Variants in TNRC6A observed in about 807,000 individuals in gnomAD.
TNRC6A encodes trinucleotide repeat containing adaptor 6A.
Under a neutral mutation model 221.2 loss-of-function variants are expected in TNRC6A, and 44 were observed. The ratio of observed to expected loss-of-function variants is 0.20; its 90% CI spans 0.16 to 0.26. The LOEUF is 0.26. Ranked by LOEUF, TNRC6A falls within the 10% of genes least tolerant of loss-of-function variation. The pLI is 1.00. For missense variants in TNRC6A, 2,199 were observed against 2,404.4 expected (o/e 0.91, Z 1.79); for synonymous variants, 847 against 838.5 (o/e 1.01, Z -0.18).
At chr16:24,759,943 A>G (rs2057327676) in intron 4 of TNRC6A, among the ~76,000 whole-genome samples, 1 of 152,142 alleles carries the variant, frequency 6.6e-6, no homozygotes, top group African/African-American at 2.4e-5. Context: ...TAATTTTCCT[A>G]AAACTCTATT....
intron 1 of TNRC6A, among the ~76,000 whole-genome samples, chr16:24,619,655 C>T (rs890452121): frequency 1.3e-5 from 2 of 152,126 alleles, no homozygotes; most frequent in Non-Finnish European, 2.9e-5. Context: ...AATACTCTTG[C>T]ACTGGAAGAT....
chr16:24,636,032 G>A (rs867693403), intron 1 of TNRC6A, among the ~76,000 whole-genome samples: 1 of 152,182 alleles, frequency 6.6e-6, no homozygotes, highest in South Asian at 2.1e-4. Context: ...AATATGCAGG[G>A]CACTGATCGC....
At chr16:24,620,996 A>G (rs1900639713) in intron 1 of TNRC6A, among the ~76,000 whole-genome samples, 2 of 147,704 alleles carry the variant, frequency 1.4e-5, no homozygotes, top group South Asian at 4.5e-4. Flanking sequence ...AGGCAGGAGA[A>G]TTGCTTGAAC....
intron 18 of TNRC6A, among the ~76,000 whole-genome samples, chr16:24,812,194 G>A (rs1182116209): frequency 1.3e-5 from 2 of 151,662 alleles, no homozygotes; most frequent in African/African-American, 4.8e-5. Context: ...TGGGATTACA[G>A]GTGTGTGTCA....
At chr16:24,771,582 T>TTATGTTATGTTGTGATGTTATGTTA in intron 4 of TNRC6A, among the ~76,000 whole-genome samples, 1,320 of 95,390 alleles carry the variant, frequency 0.014, 32 homozygotes, top group African/African-American at 0.019. Context: ...TTATGTTATG[T>TTATGTTATGTTGTGATGTTATGTTA]TGTTATGTTA....
At chr16:24,651,227 T>C (rs1469107392) in intron 2 of TNRC6A, among the ~76,000 whole-genome samples, 2 of 150,200 alleles carry the variant, frequency 1.3e-5, no homozygotes, top group Non-Finnish European at 3.0e-5. Flanking sequence ...TTCTAAGGAA[T>C]CGTATGCCAC....
intron 2 of TNRC6A, among the ~76,000 whole-genome samples, chr16:24,683,347 C>T (rs1479280954): frequency 6.6e-6 from 1 of 152,164 alleles, no homozygotes; most frequent in East Asian, 1.9e-4. Flanking sequence ...CAGGCATACA[C>T]CACCATGCCC....
At chr16:24,767,282 T>G (rs2057494998) in intron 4 of TNRC6A, among the ~76,000 whole-genome samples, 1 of 152,250 alleles carries the variant, frequency 6.6e-6, no homozygotes, top group African/African-American at 2.4e-5. Flanking sequence ...AAATCACATT[T>G]GTACTATTAG....
chr16:24,610,863 T>G (rs7205344), intron 1 of TNRC6A, among the ~76,000 whole-genome samples: 4,196 of 152,076 alleles, frequency 0.028, 176 homozygotes, highest in African/African-American at 0.096. Flanking sequence ...CAGGCTGGAG[T>G]GCAGTGGCGC....
rs2058706387 is a variant in TNRC6A at position 24,818,769 on chromosome 16, C to T, written c.5080+69C>T. 4 of 1,177,292 alleles carry T rather than the reference C, an allele frequency of 3.4e-6. No homozygotes were observed. The Admixed American group carries it at 7.0e-5, about 21-fold the overall frequency. 72.9% of individuals were successfully genotyped at this position (1,177,292 alleles called of 1,614,324 possible). ...AGAGCCGCGGCTGTTGTTTTAATGC[C>T]CTCTTCTTTCGTCCAGTCTTCTCAG... On this transcript the variant is annotated intron_variant, in intron 21 of 24. Transcript: ENST00000395799.
chr16:24,684,035 T>C (rs1025162666), intron 2 of TNRC6A, among the ~76,000 whole-genome samples: 9 of 152,180 alleles, frequency 5.9e-5, no homozygotes, highest in African/African-American at 2.2e-4. Flanking sequence ...GTCACCACTA[T>C]TCAACTCTGC....
intron 2 of TNRC6A, among the ~76,000 whole-genome samples, chr16:24,724,582 C>CA (rs1270360482): frequency 2.0e-5 from 3 of 151,952 alleles, no homozygotes; most frequent in South Asian, 4.1e-4. Context: ...CCCATCTCTA[C>CA]AAAAAATACA....
chr16:24,725,789 C>G (rs758670551), upstream of TNRC6A, among the ~76,000 whole-genome samples: 1 of 151,882 alleles, frequency 6.6e-6, no homozygotes, highest in Non-Finnish European at 1.5e-5. Context: ...TCACTTGAGT[C>G]AGGAGTTCGA....
At chr16:24,787,455 C>T (rs1336249144) in intron 5 of TNRC6A, among the ~76,000 whole-genome samples, 6 of 152,156 alleles carry the variant, frequency 3.9e-5, no homozygotes, top group South Asian at 2.1e-4. Context: ...GATAAAAGTG[C>T]GCACAAAGTT....
rs2058829798 is a variant in TNRC6A at position 24,824,185 on chromosome 16, A to G, written c.*378A>G. ...AAACCATTTTTTGGGCTGATAACGT[A>G]TGAGCTTTTCCCTTTGCACTGAATG... On this transcript the variant is annotated 3_prime_UTR_variant, in exon 25 of 25. Coordinates refer to ENST00000395799, the MANE Select transcript of TNRC6A (RefSeq NM_014494.4). 7.9e-6 allele frequency: 1 copy of G among 125,798 alleles called. No homozygotes were observed. Among genetic ancestry groups the G allele is most frequent in the Non-Finnish European group, 1.5e-5 (1 of 66,434 alleles). The allele number at this position is 125,798 out of a possible 1,614,324, so 7.8% of individuals were successfully genotyped here. A position where few individuals can be genotyped will look rare whatever the true frequency, so the allele number is the denominator to read the frequency against.
chr16:24,638,721 AC>A (rs1249145726), intron 1 of TNRC6A, among the ~76,000 whole-genome samples: 2 of 148,698 alleles, frequency 1.3e-5, no homozygotes, highest in African/African-American at 2.5e-5. Flanking sequence ...AAAAAAAAAA[AC>A]AAAAAACAAA....
At chr16:24,687,843 G>GAAGAAGAAGAAGAA (rs1555489487) in intron 2 of TNRC6A, among the ~76,000 whole-genome samples, 11 of 101,910 alleles carry the variant, frequency 1.1e-4, no homozygotes, top group African/African-American at 1.7e-4. Flanking sequence ...AAGAGGAAGA[G>GAAGAAGAAGAAGAA]GAAGAAGAAG....
chr16:24,680,657 G>T (rs2055514121), intron 2 of TNRC6A, among the ~76,000 whole-genome samples: 1 of 151,316 alleles, frequency 6.6e-6, no homozygotes. Flanking sequence ...CAGAGGTTGT[G>T]GTGAGCCAGT....
upstream of TNRC6A, among the ~76,000 whole-genome samples, chr16:24,728,173 G>A (rs899524001): frequency 3.3e-5 from 5 of 152,206 alleles, no homozygotes; most frequent in African/African-American, 7.2e-5. Flanking sequence ...TTGAAGCTGG[G>A]CGCGGTGGCT....
Sources: gnomAD v4.1 joint callset for allele counts (sites outside exome capture counted in the v4.1 genomes callset) on GRCh38, gnomAD v4.1.1 for gene constraint, MANE v1.5 for transcripts, NCBI Gene and HGNC (gene_info 2026-07-23, HGNC 2026-07-21) for gene names.